Variants in SPMIP4 observed in about 807,000 individuals in gnomAD.
SPMIP4 encodes sperm microtubule inner protein 4, also known as sperm-associated microtubule inner protein 4.
the SPMIP4 span, among the ~76,000 whole-genome samples, chr7:25,152,658 C>T: frequency 6.6e-6 from 1 of 151,210 alleles, no homozygotes; most frequent in African/African-American, 2.4e-5. Flanking sequence ...TAACTTCTTT[C>T]CTTCCTTCCT....
chr7:25,144,799 T>G, the SPMIP4 span, among the ~76,000 whole-genome samples: 1 of 152,202 alleles, frequency 6.6e-6, no homozygotes, highest in Non-Finnish European at 1.5e-5. Flanking sequence ...TTAGAGTGAT[T>G]CCATTTTACA....
the SPMIP4 span, among the ~76,000 whole-genome samples, chr7:25,168,947 G>C: frequency 1.3e-5 from 2 of 151,654 alleles, no homozygotes; most frequent in African/African-American, 2.4e-5. Context: ...GGCTGGTCTC[G>C]AACTCCTGAC....
the SPMIP4 span, among the ~76,000 whole-genome samples, chr7:25,174,427 T>C: frequency 6.6e-6 from 1 of 152,204 alleles, no homozygotes; most frequent in African/African-American, 2.4e-5. This position sits in a 1 kb window ranked among gnomAD's most constrained non-coding sequence, Gnocchi z 4.5. Context: ...ACATTCCCTA[T>C]AGATGAGCCA....
the SPMIP4 span, among the ~76,000 whole-genome samples, chr7:25,174,972 T>C: frequency 6.6e-6 from 1 of 152,224 alleles, no homozygotes; most frequent in Non-Finnish European, 1.5e-5. This position sits in a 1 kb window ranked among gnomAD's most constrained non-coding sequence, Gnocchi z 4.5. Flanking sequence ...AATTAAAGTG[T>C]AGCAACTAAC....
chr7:25,151,669 T>C, the SPMIP4 span: 2 of 1,608,126 alleles, frequency 1.2e-6, no homozygotes, highest in East Asian at 4.5e-5. Flanking sequence ...AATCAGTTCA[T>C]ATCTATAAGG....
the SPMIP4 span, among the ~76,000 whole-genome samples, chr7:25,133,517 A>C: frequency 6.6e-6 from 1 of 152,068 alleles, no homozygotes; most frequent in Non-Finnish European, 1.5e-5. Flanking sequence ...CATATTTAGA[A>C]GATCTCTCAG....
chr7:25,159,857 G>C, the SPMIP4 span, among the ~76,000 whole-genome samples: 1 of 152,180 alleles, frequency 6.6e-6, no homozygotes, highest in Non-Finnish European at 1.5e-5. Context: ...ATCTAGAGTT[G>C]TTATTAATAG....
chr7:25,136,775 CAG>C, the SPMIP4 span: 40 of 1,609,556 alleles, frequency 2.5e-5, no homozygotes, highest in Non-Finnish European at 3.1e-5. The surrounding 1 kb of genome is among the most constrained non-coding windows in gnomAD (Gnocchi z 5.7). Context: ...GGTTTGAAGA[CAG>C]GGTGGAATTT....
the SPMIP4 span, among the ~76,000 whole-genome samples, chr7:25,132,539 A>T: frequency 6.6e-6 from 1 of 152,200 alleles, no homozygotes; most frequent in Non-Finnish European, 1.5e-5. The surrounding 1 kb of genome is among the most constrained non-coding windows in gnomAD (Gnocchi z 5.0). Context: ...TTAAAATTCC[A>T]TAAGAAATGT....
the SPMIP4 span, chr7:25,161,404 T>TAAAA: frequency 2.4e-6 from 1 of 423,794 alleles, no homozygotes; most frequent in Non-Finnish European, 4.2e-6. Context: ...TTATTTATTA[T>TAAAA]TATTTTATAA....
At chr7:25,155,752 A>G in the SPMIP4 span, among the ~76,000 whole-genome samples, 1 of 152,320 alleles carries the variant, frequency 6.6e-6, no homozygotes, top group East Asian at 1.9e-4. Flanking sequence ...CAGCTAGCAC[A>G]CTGAAGGAAA....
chr7:25,172,876 A>G, the SPMIP4 span, among the ~76,000 whole-genome samples: 1 of 151,970 alleles, frequency 6.6e-6, no homozygotes, highest in Non-Finnish European at 1.5e-5. The surrounding 1 kb of genome is among the most constrained non-coding windows in gnomAD (Gnocchi z 4.2). Context: ...GAGGTGGAGC[A>G]TGAGAGGAAA....
the SPMIP4 span, among the ~76,000 whole-genome samples, chr7:25,159,007 C>T: frequency 6.6e-6 from 1 of 152,046 alleles, no homozygotes; most frequent in Non-Finnish European, 1.5e-5. Flanking sequence ...TTAATTTTTC[C>T]ATCCATTTAT....
At chr7:25,131,405 G>A in the SPMIP4 span, among the ~76,000 whole-genome samples, 2,451 of 152,232 alleles carry the variant, frequency 0.016, 59 homozygotes, top group African/African-American at 0.052. This position sits in a 1 kb window ranked among gnomAD's most constrained non-coding sequence, Gnocchi z 4.2. Flanking sequence ...CCCATGCCCC[G>A]GTCCATGGAA....
the SPMIP4 span, chr7:25,168,141 T>TA: frequency 5.0e-5 from 32 of 644,662 alleles, no homozygotes; most frequent in African/African-American, 6.0e-4. Context: ...ATTTCACAAT[T>TA]AGAAATTAAT....
At chr7:25,170,497 A>G in the SPMIP4 span, among the ~76,000 whole-genome samples, 1 of 152,204 alleles carries the variant, frequency 6.6e-6, no homozygotes, top group South Asian at 2.1e-4. Flanking sequence ...TACTTACTTG[A>G]TAGTGTCCCT....
chr7:25,155,167 C>A, the SPMIP4 span: 1 of 1,559,854 alleles, frequency 6.4e-7, no homozygotes, highest in Non-Finnish European at 8.7e-7. Flanking sequence ...TAGGGGTGTT[C>A]AATTGGATAT....
chr7:25,130,675 G>A, the SPMIP4 span, among the ~76,000 whole-genome samples: 6 of 152,114 alleles, frequency 3.9e-5, no homozygotes, highest in Admixed American at 1.3e-4. Context: ...TCCTAACCTT[G>A]TGACCTTTCA....
At chr7:25,141,919 G>A in the SPMIP4 span, among the ~76,000 whole-genome samples, 91,370 of 151,820 alleles carry the variant, frequency 0.6, 28,588 homozygotes, top group Non-Finnish European at 0.69. Context: ...TGTATTTTTA[G>A]TAGAGACAGA....
Sources: gnomAD v4.1 joint callset for allele counts (sites outside exome capture counted in the v4.1 genomes callset) on GRCh38, gnomAD v4.1.1 for gene constraint, Gnocchi (gnomAD v3.1) non-coding constraint, MANE v1.5 for transcripts, NCBI Gene and HGNC (gene_info 2026-07-23, HGNC 2026-07-21) for gene names.